TLE4: variants seen among roughly 807,000 people sequenced by gnomAD.
TLE4 encodes the protein transducin-like enhancer protein 4.
In TLE4, 8 loss-of-function variants were observed where a neutral mutation model predicts 92.8. That is an observed-to-expected ratio of 0.09 (90% CI 0.05 to 0.16). The LOEUF is 0.16. Among genes scored for constraint, TLE4 ranks in the 10% least tolerant of loss-of-function variants. TLE4 has a pLI of 1.00. For synonymous variants in TLE4, 371 were observed against 374.1 expected (o/e 0.99, Z 0.10); for missense variants, 675 against 997.6 (o/e 0.68, Z 4.36).
chr9:79,691,116 A>G lies in TLE4; in HGVS notation c.610-13667A>G, dbSNP rs891067429. On this transcript the variant is annotated intron_variant, in intron 8 of 19. Coordinates refer to ENST00000376552, the MANE Select transcript of TLE4 (RefSeq NM_007005.6). ...AGATTCATCCTCTTCCCCCTTCCCCAGTAGCCCTCCAGTCTAAACCACCAG... is the reference window on the plus strand; with the variant it reads ...AGATTCATCCTCTTCCCCCTTCCCCGGTAGCCCTCCAGTCTAAACCACCAG... 5.9e-5 allele frequency among the ~76,000 whole-genome samples: 9 copies of G among 152,046 alleles called. No individual in the cohort carries two copies. In the East Asian group the frequency reaches 1.7e-3, roughly 29 times the overall value.
rs2036101039 is a variant in TLE4 at position 79,572,608 on chromosome 9, C to T, written c.-183C>T. On this transcript the variant is annotated 5_prime_UTR_variant, in exon 1 of 20. Transcript: ENST00000376552. The stretch of plus-strand genomic sequence containing the variant: ...ATGCGGAGCGGCCCGGCAGCCGGCA[C>T]CCAGCCGCCGCCGCGCGTTCCTGCC... 3.6e-6 allele frequency: 1 copy of T among 280,174 alleles called. No homozygotes were observed. The highest frequency in any genetic ancestry group is 6.6e-6 in the Non-Finnish European group (1 of 151,280). 17.4% of individuals were successfully genotyped at this position (280,174 alleles called of 1,614,324 possible).
chr9:79,636,182 T>C (rs2055763059), intron 6 of TLE4, among the ~76,000 whole-genome samples: 1 of 152,078 alleles, frequency 6.6e-6, no homozygotes, highest in Admixed American at 6.6e-5. Context: ...TGGTGTCGTC[T>C]ATATATATGA....
chr9:79,573,646 C>T (rs1352581518), intron 1 of TLE4, 43 bp from the exon 2 acceptor site: 2 of 1,492,716 alleles, frequency 1.3e-6, no homozygotes, highest in African/African-American at 1.4e-5. Context: ...CCCTGCTTCG[C>T]CTGTGATGTG....
chr9:79,670,503 C>G (rs1009211446), intron 8 of TLE4, among the ~76,000 whole-genome samples: 4 of 152,214 alleles, frequency 2.6e-5, no homozygotes, highest in African/African-American at 9.6e-5. Flanking sequence ...TTTCCTCCCC[C>G]TCCTTTCCCA....
intron 2 of TLE4, chr9:79,574,126 A>C (rs1321104040): frequency 5.8e-6 from 1 of 173,442 alleles, no homozygotes. Flanking sequence ...GTTCTTTATT[A>C]CTCCGGACTT....
At chr9:79,722,641 T>C in intron 18 of TLE4, 40 bp downstream of exon 18, 2 of 1,606,032 alleles carry the variant, frequency 1.2e-6, no homozygotes, top group Non-Finnish European at 1.7e-6. Flanking sequence ...TCAACCAGAA[T>C]TGCTCCTTCC....
At chr9:79,708,891 G>GC in intron 13 of TLE4, 105 bp downstream of exon 13, 1 of 1,356,124 alleles carries the variant, frequency 7.4e-7, no homozygotes, top group Non-Finnish European at 9.9e-7. Context: ...GAGTGCAGTG[G>GC]CATGATCTTG....
intron 8 of TLE4, among the ~76,000 whole-genome samples, chr9:79,669,971 A>G (rs956439520): frequency 6.6e-6 from 1 of 152,114 alleles, no homozygotes; most frequent in Non-Finnish European, 1.5e-5. Flanking sequence ...TCAGTACTAG[A>G]TGGTCAAATG....
At chr9:79,699,406 G>A (rs1203630370) in intron 8 of TLE4, among the ~76,000 whole-genome samples, 1 of 152,156 alleles carries the variant, frequency 6.6e-6, no homozygotes, top group East Asian at 1.9e-4. Context: ...CTGAACTATA[G>A]TTAAGAGTAA....
chr9:79,631,909 A>C (rs2054368936), intron 6 of TLE4, among the ~76,000 whole-genome samples: 1 of 152,250 alleles, frequency 6.6e-6, no homozygotes, highest in African/African-American at 2.4e-5. Context: ...TTACATTGCA[A>C]GTGTAGGAAA....
intron 19 of TLE4, among the ~76,000 whole-genome samples, 199 bp downstream of exon 19, chr9:79,723,234 T>C (rs1398782002): frequency 6.6e-6 from 1 of 152,262 alleles, no homozygotes; most frequent in East Asian, 1.9e-4. Flanking sequence ...CCCAGTGTTC[T>C]GAGCTCAGAG....
chr9:79,608,889 A>C (rs1223020210), intron 4 of TLE4, among the ~76,000 whole-genome samples: 2 of 152,080 alleles, frequency 1.3e-5, no homozygotes, highest in East Asian at 1.9e-4. Flanking sequence ...CTTTTTAAGG[A>C]AATCATATAG....
chr9:79,605,139 G>C (rs889859845), intron 4 of TLE4, among the ~76,000 whole-genome samples: 2 of 152,100 alleles, frequency 1.3e-5, no homozygotes, highest in Admixed American at 6.6e-5. Context: ...GGATGTCTTA[G>C]TAATCAGAGT....
chr9:79,717,061 G>A (rs963129847), intron 14 of TLE4, among the ~76,000 whole-genome samples: 1 of 152,096 alleles, frequency 6.6e-6, no homozygotes, highest in African/African-American at 2.4e-5. Context: ...CACATTCTTT[G>A]GGATTCTGTA....
chr9:79,689,568 T>C (rs1252812748), intron 8 of TLE4, among the ~76,000 whole-genome samples: 6 of 152,196 alleles, frequency 3.9e-5, no homozygotes, highest in Admixed American at 1.3e-4. Flanking sequence ...CTGCATTCAG[T>C]ATTCAGAAGT....
intron 8 of TLE4, among the ~76,000 whole-genome samples, chr9:79,679,201 A>T (rs1288644734): frequency 1.3e-4 from 20 of 151,998 alleles, no homozygotes; most frequent in Admixed American, 1.2e-3. Context: ...CGCCACACTG[A>T]CTTCCACAAT....
In TLE4 at chr9:79,591,209, G is replaced by T. The variant is rs539904219; in HGVS notation, c.252+15032G>T. On this transcript the variant is annotated intron_variant, in intron 4 of 19. Coordinates refer to ENST00000376552, the MANE Select transcript of TLE4 (RefSeq NM_007005.6). ...AGTTGTGACATAGGTGGAAGAGAAG[G>T]GGGTCTTTCTGGCTCCTTGAGTGAT... 5.3e-5 allele frequency among the ~76,000 whole-genome samples: 8 copies of T among 152,284 alleles called. No homozygotes were observed. In the South Asian group the frequency reaches 1.7e-3, roughly 32 times the overall value.
At chr9:79,654,109 T>C in intron 8 of TLE4, 34 bp downstream of exon 8, 3 of 1,598,266 alleles carry the variant, frequency 1.9e-6, no homozygotes, top group Non-Finnish European at 2.6e-6. Context: ...AAGGAATGGC[T>C]TAAAAGGGCT....
intron 5 of TLE4, among the ~76,000 whole-genome samples, chr9:79,619,535 G>T (rs1174522141): frequency 6.6e-6 from 1 of 152,144 alleles, no homozygotes; most frequent in East Asian, 1.9e-4. Flanking sequence ...TGTTAACTTT[G>T]CGAGGAATCA....
Sources: allele counts gnomAD v4.1 joint callset (sites outside exome capture counted in the v4.1 genomes callset), GRCh38; gene constraint gnomAD v4.1.1; transcripts MANE v1.5; gene names NCBI Gene and HGNC (gene_info 2026-07-23, HGNC 2026-07-21).